MNS1: variants seen among roughly 807,000 people sequenced by gnomAD.
MNS1 encodes meiosis specific nuclear structural 1.
A neutral mutation model predicts 72.0 loss-of-function variants in MNS1; 63 were observed. The observed-to-expected ratio is 0.87, with a 90% CI of 0.71 to 1.08. The LOEUF (loss-of-function observed/expected upper bound fraction) is 1.08. MNS1 is among the 50% of genes least tolerant of loss of function. MNS1 has a pLI of 0.00. For missense variants in MNS1, 604 were observed against 562.4 expected (o/e 1.07, Z -0.75); for synonymous variants, 188 against 172.1 (o/e 1.09, Z -0.72).
intron 8 of MNS1, among the ~76,000 whole-genome samples, chr15:56,432,075 A>T (rs2050612324): frequency 6.6e-6 from 1 of 152,188 alleles, no homozygotes; most frequent in African/African-American, 2.4e-5. Flanking sequence ...CTGTACTTGC[A>T]TTCAAACCTA....
At position 56,434,225 on chromosome 15, in the gene MNS1, A is replaced by G; in HGVS notation, c.1182T>C (p.Ala394=). Residue 394 remains alanine (A), a synonymous_variant, in exon 8 of 10, where the codon GCT becomes GCC. Coordinates refer to ENST00000260453, the MANE Select transcript of MNS1 (RefSeq NM_018365.4). Reference sequence around the variant, plus strand: ...CCAGCTGCTTCATTCTTTGTTTCTGAGCATTCATTAATTCTATTCGATCAT... The same window carrying G: ...CCAGCTGCTTCATTCTTTGTTTCTGGGCATTCATTAATTCTATTCGATCAT... The part of the protein sequence containing the change: ...AEDDRIELMN[A]QKQRMKQLEH... 1 of 1,613,876 alleles carries G rather than the reference A, an allele frequency of 6.2e-7. No homozygotes were observed. Among genetic ancestry groups the G allele is most frequent in the Non-Finnish European group, 8.5e-7 (1 of 1,179,904 alleles).
intron 3 of MNS1, among the ~76,000 whole-genome samples, chr15:56,449,011 T>G (rs2050928553): frequency 6.6e-6 from 1 of 152,172 alleles, no homozygotes; most frequent in African/African-American, 2.4e-5. Context: ...TGCCTTGGCC[T>G]TGCAAAGTGC....
chr15:56,464,272 G>C (rs749576783), intron 1 of MNS1, 25 bp from the exon 2 acceptor site: 2 of 1,496,554 alleles, frequency 1.3e-6, no homozygotes, highest in Non-Finnish European at 1.8e-6. Context: ...AAAAAAAGAT[G>C]CATATTTTGA....
Position 56,443,544 on chromosome 15 carries a change from A to C in MNS1, c.904-7T>G. 1.3e-6 allele frequency: 2 copies of C among 1,577,920 alleles called. No individual in the cohort carries two copies. Among genetic ancestry groups the C allele is most frequent in the Middle Eastern group, 1.8e-4 (1 of 5,592 alleles). On this transcript the variant is annotated splice_polypyrimidine_tract_variant and splice_region_variant and intron_variant, in intron 6 of 9. Transcript: ENST00000260453. ...CTTCTAATTTCTGTGTCAACTATTAAATTTTTTAAAAAACATAAATATTTA... is the reference window on the plus strand; with the variant it reads ...CTTCTAATTTCTGTGTCAACTATTACATTTTTTAAAAAACATAAATATTTA...
intron 2 of MNS1, among the ~76,000 whole-genome samples, chr15:56,461,135 C>A (rs936968964): frequency 9.2e-5 from 14 of 152,230 alleles, no homozygotes; most frequent in Non-Finnish European, 1.9e-4. Flanking sequence ...TTCAACTGAT[C>A]GGATGAGGCC....
rs143779168 is a variant in MNS1 at position 56,443,807 on chromosome 15, A to G, written c.734T>C (p.Ile245Thr). 3.5e-5 allele frequency: 57 copies of G among 1,611,046 alleles called. No individual in the cohort carries two copies. The highest frequency in any genetic ancestry group is 5.0e-5 in the Admixed American group (3 of 59,790). The change falls in exon 6 of 10, where the codon ATA becomes ACA. Residue 245 changes from isoleucine to threonine, a missense_variant. Coordinates refer to ENST00000260453, the MANE Select transcript of MNS1 (RefSeq NM_018365.4). ...LEKMNAMRRY[I>T]EEFQKEQALW... ...AGCCTGCTCTTTCTGAAACTCTTCT[A>G]TATACCTTCGCATTGCATTCATTTT...
At chr15:56,457,091 A>G (rs564803672) in intron 2 of MNS1, among the ~76,000 whole-genome samples, 5 of 152,258 alleles carry the variant, frequency 3.3e-5, no homozygotes, top group African/African-American at 1.2e-4. Context: ...TCTAATTATT[A>G]TTTTTCTTAA....
chr15:56,447,157 A>G (rs73415843), intron 3 of MNS1: 14,611 of 420,022 alleles, frequency 0.035, 1,774 homozygotes, highest in African/African-American at 0.26. Flanking sequence ...GCTCTGTTCT[A>G]TTACATTCAT....
At chr15:56,438,702 C>T (rs367918105) in intron 7 of MNS1, among the ~76,000 whole-genome samples, 20 of 152,166 alleles carry the variant, frequency 1.3e-4, no homozygotes, top group African/African-American at 3.6e-4. Flanking sequence ...TCAGAGTGAA[C>T]AGCCAACCTA....
intron 7 of MNS1, among the ~76,000 whole-genome samples, chr15:56,436,915 T>C (rs1029861672): frequency 6.6e-6 from 1 of 152,088 alleles, no homozygotes. Flanking sequence ...AGAAGTTGAA[T>C]CCCTGAATAG....
At chr15:56,438,541 C>T (rs532211075) in intron 7 of MNS1, among the ~76,000 whole-genome samples, 1 of 152,172 alleles carries the variant, frequency 6.6e-6, no homozygotes, top group Non-Finnish European at 1.5e-5. Flanking sequence ...CATAAAAACC[C>T]TAGAAGAAAA....
intron 2 of MNS1, 99 bp from the exon 3 acceptor site, chr15:56,456,620 C>A: frequency 8.7e-7 from 1 of 1,147,450 alleles, no homozygotes; most frequent in Non-Finnish European, 1.2e-6. Flanking sequence ...TGCCTTAAGG[C>A]CAACAATTGA....
chr15:56,443,570 T>C (rs747818934), intron 6 of MNS1, 33 bp from the exon 7 acceptor site: 5 of 1,579,856 alleles, frequency 3.2e-6, no homozygotes, highest in Middle Eastern at 1.7e-4. Flanking sequence ...TAAATATTTA[T>C]AGGATCCAAA....
At chr15:56,454,773 C>T (rs1385534746) in intron 3 of MNS1, among the ~76,000 whole-genome samples, 1 of 152,004 alleles carries the variant, frequency 6.6e-6, no homozygotes, top group African/African-American at 2.4e-5. Context: ...TACCATAGCC[C>T]GTATCTCTTT....
At chr15:56,430,691 T>C (rs1466039675) in intron 9 of MNS1, among the ~76,000 whole-genome samples, 2 of 152,232 alleles carry the variant, frequency 1.3e-5, no homozygotes, top group Non-Finnish European at 2.9e-5. Context: ...ATACACATTC[T>C]CATCTTTGGC....
chr15:56,449,654 T>G (rs1468402411), intron 3 of MNS1, among the ~76,000 whole-genome samples: 3 of 152,142 alleles, frequency 2.0e-5, no homozygotes, highest in African/African-American at 7.2e-5. Flanking sequence ...GGTGTTACTT[T>G]GTCCTGAATG....
At chr15:56,438,827 G>A (rs572255694) in intron 7 of MNS1, among the ~76,000 whole-genome samples, 22 of 152,106 alleles carry the variant, frequency 1.4e-4, no homozygotes, top group South Asian at 8.3e-4. Flanking sequence ...AAAAGTGGGC[G>A]AAGGATATGA....
At position 56,456,459 on chromosome 15, in the gene MNS1, T is replaced by C; in HGVS notation, c.288A>G (p.Glu96=). The C allele has an allele frequency of 6.2e-7, 1 of 1,612,556 alleles. No homozygotes were observed. The highest frequency in any genetic ancestry group is 1.7e-5 in the Admixed American group (1 of 59,832). ...GACTTTCATGTTTCAGTTTTGCCAA[T>C]TCCATAGCCAGTTTTTCTTCTTGTT... is the stretch of plus-strand genomic sequence containing the variant. ...QLKQEEKLAM[E]LAKLKHESLK... is the part of the protein sequence containing the mutation. The change falls in exon 3 of 10, where the codon GAA becomes GAG. Residue 96 remains glutamate, a synonymous_variant. Transcript: ENST00000260453.
chr15:56,442,835 A>G lies in MNS1; in HGVS notation c.1011+595T>C, dbSNP rs907421735. ...AATAATGTTACACCAAATCCCCATG[A>G]CCCACAAATTTACCCCTGTAACAAA... On this transcript the variant is annotated intron_variant, in intron 7 of 9. Transcript: ENST00000260453. 7.2e-5 allele frequency among the ~76,000 whole-genome samples: 11 copies of G among 151,832 alleles called. 1 individual carries two copies. The highest frequency in any genetic ancestry group is 6.6e-4 in the Admixed American group (10 of 15,230).
Sources: gnomAD v4.1 joint callset for allele counts (sites outside exome capture counted in the v4.1 genomes callset) on GRCh38, gnomAD v4.1.1 for gene constraint, MANE v1.5 for transcripts, NCBI Gene and HGNC (gene_info 2026-07-23, HGNC 2026-07-21) for gene names.